Variants in PCMTD1 observed in about 807,000 individuals in gnomAD.
PCMTD1 encodes protein-L-isoaspartate O-methyltransferase domain-containing protein 1.
PCMTD1 carries 12 observed loss-of-function variants against 37.6 expected under a neutral mutation model. The ratio of observed to expected loss-of-function variants is 0.32; its 90% CI spans 0.20 to 0.52. The LOEUF is 0.52. Ranked by LOEUF, PCMTD1 falls within the 20% of genes least tolerant of loss-of-function variation. The pLI is 0.97. For missense variants in PCMTD1, 235 were observed against 421.3 expected (o/e 0.56, Z 3.87); for synonymous variants, 117 against 135.8 (o/e 0.86, Z 0.96).
intron 1 of PCMTD1, among the ~76,000 whole-genome samples, chr8:51,894,206 T>TA (rs2038971249): frequency 6.6e-6 from 1 of 152,100 alleles, no homozygotes; most frequent in South Asian, 2.1e-4. Flanking sequence ...TGGAAATGCA[T>TA]AAGAAATCAA....
intron 1 of PCMTD1, among the ~76,000 whole-genome samples, chr8:51,867,539 GAAGAAA>G (rs1415688537): frequency 2.0e-5 from 3 of 148,370 alleles, no homozygotes; most frequent in South Asian, 2.1e-4. Context: ...TTGAGAGAAA[GAAGAAA>G]AAGATAAATA....
chr8:51,859,060 C>G (rs887098245), intron 2 of PCMTD1, among the ~76,000 whole-genome samples: 3 of 152,116 alleles, frequency 2.0e-5, no homozygotes, highest in East Asian at 3.9e-4. Flanking sequence ...TGCATACCTC[C>G]CCCATCCCAA....
At chr8:51,895,038 C>G (rs4873620) in intron 1 of PCMTD1, among the ~76,000 whole-genome samples, 148,816 of 152,312 alleles carry the variant, frequency 0.98, 72,796 homozygotes, top group East Asian at 1. Flanking sequence ...TGATGATACA[C>G]AAGTGGAAGC....
rs1247306621 is a variant in PCMTD1 at position 51,820,726 on chromosome 8, CAA to C, written c.707-10_707-9del. 1 of 1,578,896 alleles carries C rather than the reference CAA, an allele frequency of 6.3e-7. No homozygotes were observed. ...TCCTGACAGCACAGGGAGCTAAAAA[CAA>C]ACATAAAACGCAAGAAAGAAAATAT... On this transcript the variant is annotated splice_polypyrimidine_tract_variant and intron_variant, in intron 5 of 5. Coordinates refer to ENST00000522514, the MANE Select transcript of PCMTD1 (RefSeq NM_052937.4).
At chr8:51,866,826 T>C (rs2038562001) in intron 1 of PCMTD1, among the ~76,000 whole-genome samples, 1 of 151,964 alleles carries the variant, frequency 6.6e-6, no homozygotes, top group South Asian at 2.1e-4. Flanking sequence ...GCTTTACTAA[T>C]TGTTTACAAG....
At chr8:51,828,112 T>C (rs1048207333) in intron 5 of PCMTD1, among the ~76,000 whole-genome samples, 1 of 152,268 alleles carries the variant, frequency 6.6e-6, no homozygotes, top group East Asian at 1.9e-4. Context: ...ATTTTAACAG[T>C]GTCAGTTACA....
chr8:51,839,239 T>A (rs1324525796), intron 3 of PCMTD1, among the ~76,000 whole-genome samples: 3 of 152,198 alleles, frequency 2.0e-5, no homozygotes, highest in Admixed American at 2.0e-4. Context: ...AAATCATTCA[T>A]TCTAAGCTTA....
intron 1 of PCMTD1, among the ~76,000 whole-genome samples, chr8:51,882,676 AAGAAC>A (rs2038807378): frequency 6.6e-6 from 1 of 152,174 alleles, no homozygotes; most frequent in Non-Finnish European, 1.5e-5. Flanking sequence ...AGATCATGAA[AAGAAC>A]AGAAGACATA....
rs2037800590 is a variant in PCMTD1 at position 51,818,751 on chromosome 8, G to A, written c.*1600C>T. 2.0e-5 allele frequency: 3 copies of A among 152,324 alleles called. No homozygotes were observed. The highest frequency in any genetic ancestry group is 6.5e-5 in the Admixed American group (1 of 15,292). The allele number at this position is 152,324 out of a possible 1,614,324, so 9.4% of individuals were successfully genotyped here. A position where few individuals can be genotyped will look rare whatever the true frequency, so the allele number is the denominator to read the frequency against. On this transcript the variant is annotated 3_prime_UTR_variant, in exon 6 of 6. Transcript: ENST00000522514. The stretch of plus-strand genomic sequence containing the variant: ...TAACTAAAATATCCTCACTTACTTG[G>A]AACAATTTCATGCTTACACATGATC...
intron 2 of PCMTD1, among the ~76,000 whole-genome samples, chr8:51,847,100 TG>T (rs2129281562): frequency 6.6e-6 from 1 of 152,348 alleles, no homozygotes; most frequent in South Asian, 2.1e-4. Context: ...AACTGAAAAC[TG>T]GAACGTCTGC....
intron 1 of PCMTD1, among the ~76,000 whole-genome samples, chr8:51,864,534 T>C (rs2038522499): frequency 6.6e-6 from 1 of 152,196 alleles, no homozygotes; most frequent in African/African-American, 2.4e-5. Context: ...CTACTCGTAA[T>C]GGAATGAAAC....
intron 5 of PCMTD1, among the ~76,000 whole-genome samples, chr8:51,824,841 C>T (rs2037899465): frequency 6.6e-6 from 1 of 152,174 alleles, no homozygotes; most frequent in Admixed American, 6.5e-5. Flanking sequence ...GGTACCAAAA[C>T]AGATATACAG....
At chr8:51,839,394 G>T in intron 3 of PCMTD1, 1 of 913,028 alleles carries the variant, frequency 1.1e-6, no homozygotes, top group Non-Finnish European at 1.3e-6. Flanking sequence ...CAGATATCTC[G>T]GTTTAGAACA....
intron 1 of PCMTD1, among the ~76,000 whole-genome samples, chr8:51,892,371 C>T (rs1245443785): frequency 6.6e-6 from 1 of 152,182 alleles, no homozygotes; most frequent in Non-Finnish European, 1.5e-5. Flanking sequence ...ATGGCAGCTG[C>T]TACCCATCAC....
At chr8:51,867,336 C>A (rs1163230312) in intron 1 of PCMTD1, among the ~76,000 whole-genome samples, 1 of 151,942 alleles carries the variant, frequency 6.6e-6, no homozygotes, top group Non-Finnish European at 1.5e-5. Context: ...AATCCCACTT[C>A]TGAGTCTATA....
intron 1 of PCMTD1, among the ~76,000 whole-genome samples, chr8:51,882,955 G>C (rs1477551200): frequency 7.1e-6 from 1 of 141,198 alleles, no homozygotes; most frequent in Non-Finnish European, 1.5e-5. Context: ...GTGAAACTCC[G>C]TCTTTACTAA....
At chr8:51,863,001 C>G (rs2038495704) in intron 1 of PCMTD1, among the ~76,000 whole-genome samples, 1 of 151,032 alleles carries the variant, frequency 6.6e-6, no homozygotes, top group South Asian at 2.1e-4. Flanking sequence ...TCTCAACTTG[C>G]TGAGTCCAAT....
rs528293713 is a variant in PCMTD1 at position 51,817,957 on chromosome 8, C to T, written c.*2394G>A. ...AAATAAACACCCAAATTAGATGATA[C>T]TTACTGTTTTAACTAGCTATAAAAT... On this transcript the variant is annotated 3_prime_UTR_variant, in exon 6 of 6. Transcript: ENST00000522514. 2.2e-6 allele frequency: 1 copy of T among 456,760 alleles called. No individual in the cohort carries two copies. The highest frequency in any genetic ancestry group is 2.3e-5 in the Admixed American group (1 of 42,586). 28.3% of individuals were successfully genotyped at this position (456,760 alleles called of 1,614,324 possible). A position where few individuals can be genotyped will look rare whatever the true frequency, so the allele number is the denominator to read the frequency against.
intron 1 of PCMTD1, among the ~76,000 whole-genome samples, chr8:51,891,675 A>AT (rs1479525616): frequency 5.5e-5 from 7 of 126,970 alleles, no homozygotes; most frequent in African/African-American, 1.5e-4. Context: ...AAAAACAAAA[A>AT]ATATATATAT....
Sources: allele counts gnomAD v4.1 joint callset (sites outside exome capture counted in the v4.1 genomes callset), GRCh38; gene constraint gnomAD v4.1.1; transcripts MANE v1.5; gene names NCBI Gene and HGNC (gene_info 2026-07-23, HGNC 2026-07-21).